HACD4: variants seen among roughly 807,000 people sequenced by gnomAD.
The protein encoded by HACD4 is very-long-chain (3R)-3-hydroxyacyl-CoA dehydratase 4.
HACD4 carries 35 observed loss-of-function variants against 33.3 expected under a neutral mutation model. The ratio of observed to expected loss-of-function variants is 1.05; its 90% CI spans 0.80 to 1.39. The LOEUF (loss-of-function observed/expected upper bound fraction) is 1.39, where lower values mean the gene tolerates loss of function less well. Ranked by LOEUF, HACD4 falls within the 40% of genes most tolerant of loss-of-function variation. HACD4 has a pLI of 0.00. For synonymous variants in HACD4, 118 were observed against 98.0 expected (o/e 1.20, Z -1.21); for missense variants, 323 against 276.5 (o/e 1.17, Z -1.19).
rs1471410242 is a variant in HACD4, at chr9:21,003,705, A to G, written c.*3332T>C. Reference sequence around the variant, plus strand: ...TACATAGTTTCTAGGTAAGATCTTTATAATTCTTTACCAAAAATTGAGTGA... The same window carrying G: ...TACATAGTTTCTAGGTAAGATCTTTGTAATTCTTTACCAAAAATTGAGTGA... On this transcript the variant is annotated 3_prime_UTR_variant, in exon 7 of 7. Coordinates refer to ENST00000495827, the MANE Select transcript of HACD4 (RefSeq NM_001010915.5). 1 of 152,146 alleles carries G rather than the reference A, an allele frequency of 6.6e-6. No homozygotes were observed. Among genetic ancestry groups the G allele is most frequent in the East Asian group, 1.9e-4 (1 of 5,200 alleles). The allele number at this position is 152,146 out of a possible 1,614,324, so 9.4% of individuals were successfully genotyped here.
intron 3 of HACD4, among the ~76,000 whole-genome samples, chr9:21,018,447 T>C (rs918133800): frequency 7.9e-5 from 12 of 152,164 alleles, no homozygotes; most frequent in African/African-American, 2.9e-4. Flanking sequence ...TCACCTAGTA[T>C]CCAGATTATA....
chr9:21,008,155 A>G lies in HACD4; in HGVS notation c.491-9T>C. On this transcript the variant is annotated splice_polypyrimidine_tract_variant and intron_variant, in intron 5 of 6. Transcript: ENST00000495827. The stretch of plus-strand genomic sequence containing the variant: ...TTGATAGATGGCAAATGCTGTTAAA[A>G]AAGAAAGGCATCATAAAGGTATTCC... 1 of 1,603,516 alleles carries G rather than the reference A, an allele frequency of 6.2e-7. No homozygotes were observed. Among genetic ancestry groups the G allele is most frequent in the Non-Finnish European group, 8.5e-7 (1 of 1,175,600 alleles).
Position 21,002,518 on chromosome 9 carries a change from G to C in HACD4, c.*4519C>G, listed in dbSNP as rs562933684. 1 of 152,214 alleles carries C rather than the reference G, an allele frequency of 6.6e-6. No homozygotes were observed. Among genetic ancestry groups the C allele is most frequent in the South Asian group, 2.1e-4 (1 of 4,830 alleles). The allele number at this position is 152,214 out of a possible 1,614,324, so 9.4% of individuals were successfully genotyped here. ...GGTACTTAGAGCAATCAAAATCATAGAGACAAAAAGTAGACTGGTGGTTGC... is the reference window on the plus strand; with the variant it reads ...GGTACTTAGAGCAATCAAAATCATACAGACAAAAAGTAGACTGGTGGTTGC... On this transcript the variant is annotated 3_prime_UTR_variant, in exon 7 of 7. Coordinates refer to ENST00000495827, the MANE Select transcript of HACD4 (RefSeq NM_001010915.5).
At chr9:21,022,483 A>C (rs1296009263) in intron 3 of HACD4, among the ~76,000 whole-genome samples, 2 of 152,256 alleles carry the variant, frequency 1.3e-5, no homozygotes, top group African/African-American at 2.4e-5. Context: ...CCCATCTGAC[A>C]AAGGGTTAAT....
At position 21,006,709 on chromosome 9, in the gene HACD4, T is replaced by A; in HGVS notation, c.*328A>T. On this transcript the variant is annotated 3_prime_UTR_variant, in exon 7 of 7. Coordinates refer to ENST00000495827, the MANE Select transcript of HACD4 (RefSeq NM_001010915.5). This position sits in a 1 kb window ranked among gnomAD's most constrained non-coding sequence, Gnocchi z 4.6. Reference sequence around the variant, plus strand: ...TATCAAGTTTGGTTTCTTAATTTAATTGAATCTATTGCAGCTAATCTCCTA... The same window carrying A: ...TATCAAGTTTGGTTTCTTAATTTAAATGAATCTATTGCAGCTAATCTCCTA... 1 of 254,112 alleles carries A rather than the reference T, an allele frequency of 3.9e-6. No individual in the cohort carries two copies. The highest frequency in any genetic ancestry group is 7.5e-6 in the Non-Finnish European group (1 of 132,796). The allele number at this position is 254,112 out of a possible 1,614,324, so 15.7% of individuals were successfully genotyped here.
In HACD4 at chr9:21,025,573, G is replaced by A. The variant is rs900381458; in HGVS notation, c.270+1023C>T. On this transcript the variant is annotated intron_variant, in intron 3 of 6. Transcript: ENST00000495827. ...CTATTTCTGTAGACTTGAAACTCGTGTTCTTATAGTTGCCTAACCTTTACT... is the reference window on the plus strand; with the variant it reads ...CTATTTCTGTAGACTTGAAACTCGTATTCTTATAGTTGCCTAACCTTTACT... Among the ~76,000 whole-genome samples the A allele has an allele frequency of 1.4e-4, 21 of 152,226 alleles. 1 individual carries two copies. Among genetic ancestry groups the A allele is most frequent in the African/African-American group, 4.6e-4 (19 of 41,546 alleles).
In HACD4 at chr9:21,029,345, T is replaced by C; in HGVS notation, c.92A>G (p.His31Arg). 2.5e-6 allele frequency: 4 copies of C among 1,603,050 alleles called. No homozygotes were observed. Among genetic ancestry groups the C allele is most frequent in the Non-Finnish European group, 3.4e-6 (4 of 1,171,278 alleles). Residue 31 changes from histidine (H) to arginine (R), a missense_variant, in exon 2 of 7, where the codon CAC becomes CGC. Transcript: ENST00000495827. ...TGTCATATTTGTAAATATCCAAGAG[T>C]GGCCACAGAACTGGATTAAGTAATA... ...FIYYLIQFCG[H>R]SWIFTNMTVR...
At chr9:21,026,371 T>C (rs1250975961) in intron 3 of HACD4, among the ~76,000 whole-genome samples, 1 of 152,228 alleles carries the variant, frequency 6.6e-6, no homozygotes, top group African/African-American at 2.4e-5. Context: ...ATAGGACCAA[T>C]GCAGTGCTGC....
intron 1 of HACD4, among the ~76,000 whole-genome samples, chr9:21,029,822 C>T (rs1039772797): frequency 1.5e-4 from 23 of 152,188 alleles, no homozygotes; most frequent in East Asian, 7.7e-4. Context: ...CGGTTGTTTA[C>T]CTTCCTGATC....
intron 3 of HACD4, among the ~76,000 whole-genome samples, chr9:21,023,982 T>C (rs1014287950): frequency 1.3e-5 from 2 of 152,238 alleles, no homozygotes; most frequent in African/African-American, 4.8e-5. Context: ...AGTTTCTTCA[T>C]TTAAAAATGG....
In HACD4 at chr9:21,022,681, C is replaced by G. The variant is rs1253811312; in HGVS notation, c.270+3915G>C. On this transcript the variant is annotated intron_variant, in intron 3 of 6. Coordinates refer to ENST00000495827, the MANE Select transcript of HACD4 (RefSeq NM_001010915.5). Reference sequence around the variant, plus strand: ...AACCACAATGAGATACCATCTCACACCAGTTAGAATGGCAATCATTAAAAA... The same window carrying G: ...AACCACAATGAGATACCATCTCACAGCAGTTAGAATGGCAATCATTAAAAA... Among the ~76,000 whole-genome samples, 4 of 149,826 alleles carry G rather than the reference C, an allele frequency of 2.7e-5. No homozygotes were observed. In the East Asian group the frequency reaches 7.8e-4, roughly 29 times the overall value.
intron 2 of HACD4, among the ~76,000 whole-genome samples, chr9:21,026,942 G>C (rs1818077642): frequency 6.6e-6 from 1 of 152,146 alleles, no homozygotes; most frequent in Non-Finnish European, 1.5e-5. Context: ...GTTCCAAAAA[G>C]AAATCGAAAC....
At chr9:21,019,285 G>A (rs1438034177) in intron 3 of HACD4, among the ~76,000 whole-genome samples, 1 of 152,056 alleles carries the variant, frequency 6.6e-6, no homozygotes, top group Non-Finnish European at 1.5e-5. Flanking sequence ...GAGCTCAAGA[G>A]CCAAAGAGCT....
chr9:21,011,340 TC>T (rs1326133816), intron 5 of HACD4, among the ~76,000 whole-genome samples: 1 of 152,200 alleles, frequency 6.6e-6, no homozygotes, highest in Non-Finnish European at 1.5e-5. Flanking sequence ...TACCCAAAAC[TC>T]ACACAGTGAG....
At chr9:21,009,931 C>T (rs1268482016) in intron 5 of HACD4, among the ~76,000 whole-genome samples, 2 of 152,140 alleles carry the variant, frequency 1.3e-5, no homozygotes, top group Non-Finnish European at 2.9e-5. Context: ...GACAATTATT[C>T]TTTAGATCCA....
At chr9:21,010,417 A>G (rs1379210032) in intron 5 of HACD4, among the ~76,000 whole-genome samples, 1 of 147,418 alleles carries the variant, frequency 6.8e-6, no homozygotes, top group Non-Finnish European at 1.5e-5. Flanking sequence ...TGCATAAAAG[A>G]GAGGAAGGAA....
Position 21,025,334 on chromosome 9 carries a change from A to G in HACD4, c.270+1262T>C, listed in dbSNP as rs568527921. On this transcript the variant is annotated intron_variant, in intron 3 of 6. Transcript: ENST00000495827. ...TACTATTTATATCTTTTAAGCTTTTATGATATTTTAGACAAATTTTAATAT... is the reference window on the plus strand; with the variant it reads ...TACTATTTATATCTTTTAAGCTTTTGTGATATTTTAGACAAATTTTAATAT... Among the ~76,000 whole-genome samples, 15 of 152,278 alleles carry G rather than the reference A, an allele frequency of 9.9e-5. 1 individual carries two copies. The highest frequency in any genetic ancestry group is 3.6e-4 in the African/African-American group (15 of 41,584).
At chr9:21,008,967 A>G (rs1171692592) in intron 5 of HACD4, among the ~76,000 whole-genome samples, 1 of 152,184 alleles carries the variant, frequency 6.6e-6, no homozygotes, top group African/African-American at 2.4e-5. Context: ...AGAGCCAAGC[A>G]GAGGTATGAG....
chr9:21,016,739 C>T (rs998841407), intron 3 of HACD4, among the ~76,000 whole-genome samples: 5 of 150,632 alleles, frequency 3.3e-5, no homozygotes, highest in Admixed American at 6.6e-5. Context: ...TTTTGAAAGA[C>T]AGGCTGAGAA....
Sources: allele counts gnomAD v4.1 joint callset (sites outside exome capture counted in the v4.1 genomes callset), GRCh38; gene constraint gnomAD v4.1.1; non-coding constraint Gnocchi (gnomAD v3.1); transcripts MANE v1.5; gene names NCBI Gene and HGNC (gene_info 2026-07-23, HGNC 2026-07-21).